CYP4F11: variants seen among roughly 807,000 people sequenced by gnomAD.
CYP4F11 encodes cytochrome P450 4F11.
A neutral mutation model predicts 62.2 loss-of-function variants in CYP4F11; 79 were observed. The ratio of observed to expected loss-of-function variants is 1.27; its 90% CI spans 1.06 to 1.53. The LOEUF (loss-of-function observed/expected upper bound fraction) is 1.53, where lower values mean the gene tolerates loss of function less well. CYP4F11 is among the 40% of genes most tolerant of loss of function. CYP4F11 has a pLI of 0.00. For synonymous variants in CYP4F11, 290 were observed against 263.7 expected (o/e 1.10, Z -0.97); for missense variants, 777 against 680.5 (o/e 1.14, Z -1.58).
intron 8 of CYP4F11, among the ~76,000 whole-genome samples, chr19:15,920,714 A>G (rs1238234445): frequency 6.6e-6 from 1 of 152,074 alleles, no homozygotes; most frequent in African/African-American, 2.4e-5. Context: ...TATGCCCTCT[A>G]CACTAGCCCT....
At position 15,914,812 on chromosome 19, in the gene CYP4F11, C is replaced by A. The variant is rs200588981; in HGVS notation, c.1199G>T (p.Arg400Leu). 6.2e-7 allele frequency: 1 copy of A among 1,614,098 alleles called. No homozygotes were observed. The highest frequency in any genetic ancestry group is 8.5e-7 in the Non-Finnish European group (1 of 1,180,014). ...GAGCACAAAGTCCTGCGTGCAACATCGGGAGATGACCGGGACTGGGGGATG... is the reference window on the plus strand; with the variant it reads ...GAGCACAAAGTCCTGCGTGCAACATAGGGAGATGACCGGGACTGGGGGATG... Reference protein sequence around the residue: ...RLHPPVPVISRCCTQDFVLPD... With the variant: ...RLHPPVPVISLCCTQDFVLPD... Residue 400 changes from arginine to leucine, a missense_variant, in exon 9 of 12, where the codon CGA (arginine) becomes CTA (leucine). Physicochemically the swap from Arg to Leu is moderately radical, Grantham distance 102. Transcript: ENST00000402119.
intron 8 of CYP4F11, among the ~76,000 whole-genome samples, chr19:15,915,849 A>AT (rs2089579881): frequency 6.7e-6 from 1 of 149,688 alleles, no homozygotes; most frequent in Non-Finnish European, 1.5e-5. Flanking sequence ...TGGCAACCAG[A>AT]TTGAGTTGAT....
intron 8 of CYP4F11, among the ~76,000 whole-genome samples, chr19:15,920,977 C>T (rs2089621732): frequency 6.6e-6 from 1 of 151,128 alleles, no homozygotes; most frequent in South Asian, 2.1e-4. Context: ...ACACAAGCCA[C>T]TTCTCTCTTT....
At chr19:15,931,360 C>G (rs564998290) in intron 1 of CYP4F11, among the ~76,000 whole-genome samples, 1 of 151,846 alleles carries the variant, frequency 6.6e-6, no homozygotes, top group Non-Finnish European at 1.5e-5. Flanking sequence ...TCAAGTCCAG[C>G]AGTGGAGAAG....
At chr19:15,914,490 A>C (rs996061785) in intron 10 of CYP4F11, 103 bp from the exon 11 acceptor site, 178 of 1,542,840 alleles carry the variant, frequency 1.2e-4, no homozygotes, top group Non-Finnish European at 1.6e-4. Flanking sequence ...ATTTTGGCAG[A>C]TGTGTCTCCA....
At chr19:15,924,168 A>C in intron 5 of CYP4F11, 86 bp from the exon 6 acceptor site, 2 of 1,499,332 alleles carry the variant, frequency 1.3e-6, no homozygotes, top group Admixed American at 3.9e-5. Context: ...CCATCAGGAA[A>C]TTGAGTATCC....
chr19:15,924,296 C>T (rs1392146305), intron 5 of CYP4F11, among the ~76,000 whole-genome samples: 4 of 152,144 alleles, frequency 2.6e-5, no homozygotes, highest in South Asian at 2.1e-4. Context: ...GCTTCTCTCC[C>T]GTCTCTCCCA....
chr19:15,913,364 T>C lies in CYP4F11; in HGVS notation c.*368A>G, dbSNP rs1318139591. On this transcript the variant is annotated 3_prime_UTR_variant, in exon 12 of 12. Transcript: ENST00000402119. ...CTTGGGAGGACATTCCCAGGACAGA[T>C]GAAGGGATCTGCCCCTATGGTTGTT... is the stretch of plus-strand genomic sequence containing the variant. The C allele has an allele frequency of 3.6e-6, 1 of 280,138 alleles. No homozygotes were observed. Among genetic ancestry groups the C allele is most frequent in the East Asian group, 1.1e-4 (1 of 9,198 alleles). The allele number at this position is 280,138 out of a possible 1,614,324, so 17.4% of individuals were successfully genotyped here. A position where few individuals can be genotyped will look rare whatever the true frequency, so the allele number is the denominator to read the frequency against.
chr19:15,921,931 A>T, intron 8 of CYP4F11, 106 bp downstream of exon 8: 1 of 1,380,234 alleles, frequency 7.2e-7, no homozygotes, highest in South Asian at 1.7e-5. Flanking sequence ...ACCGATTCCC[A>T]CTAAGCGATA....
At position 15,934,378 on chromosome 19, in the gene CYP4F11, G is replaced by C; in HGVS notation, c.31C>G (p.Leu11Val). Reference protein sequence around the residue: MPQLSLSWLGLGPVAASPWLL... With the variant: MPQLSLSWLGVGPVAASPWLL... Reference sequence around the variant, plus strand: ...CACGGGGATGCTGCCACGGGCCCGAGGCCCAGCCAGGACAGGCTCAGCTGC... The same window carrying C: ...CACGGGGATGCTGCCACGGGCCCGACGCCCAGCCAGGACAGGCTCAGCTGC... The change falls in exon 1 of 12, where the codon CTC becomes GTC. Residue 11 changes from leucine to valine, a missense_variant. By Grantham distance (32) the Leu-to-Val change is conservative (BLOSUM62 1). Coordinates refer to ENST00000402119, the MANE Select transcript of CYP4F11 (RefSeq NM_021187.4). The C allele has an allele frequency of 1.2e-6, 2 of 1,613,314 alleles. No individual in the cohort carries two copies. Among genetic ancestry groups the C allele is most frequent in the South Asian group, 2.2e-5 (2 of 91,030 alleles).
intron 1 of CYP4F11, among the ~76,000 whole-genome samples, chr19:15,931,606 AGAGGAATGAGTGAGCGAGG>A (rs2089722487): frequency 9.6e-6 from 1 of 104,518 alleles, no homozygotes. Context: ...GTGAGTGAGG[AGAGGAATGAGTGAGCGAGG>A]AGAGGAATGA....
intron 8 of CYP4F11, among the ~76,000 whole-genome samples, chr19:15,917,668 T>C (rs1443904807): frequency 6.6e-6 from 1 of 151,300 alleles, no homozygotes; most frequent in Non-Finnish European, 1.5e-5. Context: ...CCCCAAGAAG[T>C]CAAAAGGCAA....
rs1335533131 is a variant in CYP4F11 at position 15,914,883 on chromosome 19, G to A, written c.1128C>T (p.Ala376=). 1 of 1,614,038 alleles carries A rather than the reference G, an allele frequency of 6.2e-7. No individual in the cohort carries two copies. The highest frequency in any genetic ancestry group is 1.3e-5 in the African/African-American group (1 of 75,006). ...EPIEIEWDDL[A]QLPFLTMCIK... is the part of the protein sequence containing the mutation. ...TGCACATGGTCAGGAAGGGCAGCTG[G>A]GCCAGGTCGTCCCTAAGAAAACACC... Residue 376 remains alanine, a synonymous_variant, in exon 9 of 12, where the codon GCC becomes GCT. Transcript: ENST00000402119.
In CYP4F11 at chr19:15,922,363, C is replaced by A; in HGVS notation, c.985+1G>T. On this transcript the variant is annotated splice_donor_variant, in intron 7 of 11. Transcript: ENST00000402119. LOFTEE classifies it high-confidence loss of function. ...CCGTAGTCCCACACTGAGACCCTCA[C>A]CCTCAAACATGAAGGTGTCAGCTTC... 2.5e-6 allele frequency: 4 copies of A among 1,614,190 alleles called. No individual in the cohort carries two copies. The highest frequency in any genetic ancestry group is 3.4e-6 in the Non-Finnish European group (4 of 1,180,032).
At chr19:15,931,246 G>A (rs76928024) in intron 1 of CYP4F11, among the ~76,000 whole-genome samples, 4,735 of 151,876 alleles carry the variant, frequency 0.031, 342 homozygotes, top group African/African-American at 0.1. Context: ...TATGGAAAGG[G>A]GCTCAGAGCT....
intron 8 of CYP4F11, 71 bp downstream of exon 8, chr19:15,921,966 C>T (rs1402403096): frequency 2.0e-5 from 30 of 1,468,950 alleles, no homozygotes; most frequent in Non-Finnish European, 2.6e-5. Flanking sequence ...CAAAAAAACT[C>T]CCTCCCTCTG....
intron 2 of CYP4F11, 145 bp from the exon 3 acceptor site, chr19:15,927,628 G>T: frequency 9.6e-7 from 1 of 1,044,418 alleles, no homozygotes; most frequent in Non-Finnish European, 1.4e-6. Context: ...GAGGAAGAAG[G>T]GAGGATGGTG....
chr19:15,921,054 GTCTCTCTCTCTCTCTCTC>G (rs60842401), intron 8 of CYP4F11, among the ~76,000 whole-genome samples: 7,752 of 122,306 alleles, frequency 0.063, 483 homozygotes, highest in East Asian at 0.38. Flanking sequence ...CTCTCTTTCT[GTCTCTCTCTCTCTCTCTC>G]TCTCTCTCTC....
Position 15,914,316 on chromosome 19 carries a change from C to A in CYP4F11, c.1386G>T (p.Ser462=). The change falls in exon 11 of 12, where the codon TCG becomes TCT. Residue 462 remains serine, a synonymous_variant. Transcript: ENST00000402119. ...CAGGCCATCCTTACCTGGGCCCTGC[C>A]GAGAAGGGAATAAAAGCCAGAGGTG... The part of the protein sequence containing the change: ...ERSPLAFIPF[S]AGPRNCIGQA... 3.7e-6 allele frequency: 6 copies of A among 1,613,976 alleles called. No individual in the cohort carries two copies. The highest frequency in any genetic ancestry group is 5.1e-6 in the Non-Finnish European group (6 of 1,179,958).
Sources: allele counts gnomAD v4.1 joint callset (sites outside exome capture counted in the v4.1 genomes callset), GRCh38; gene constraint gnomAD v4.1.1; transcripts MANE v1.5; gene names NCBI Gene and HGNC (gene_info 2026-07-23, HGNC 2026-07-21).